CECR2: variants seen among roughly 807,000 people sequenced by gnomAD.
CECR2 encodes chromatin remodeling regulator CECR2.
Under a neutral mutation model 154.5 loss-of-function variants are expected in CECR2, and 30 were observed. The observed-to-expected ratio is 0.19, with a 90% CI of 0.15 to 0.26. The LOEUF (loss-of-function observed/expected upper bound fraction) is 0.26, where lower values mean the gene tolerates loss of function less well. CECR2 is among the 10% of genes least tolerant of loss of function. The pLI, the probability that CECR2 is intolerant of heterozygous loss-of-function variation, is 1.00. For synonymous variants in CECR2, 725 were observed against 683.7 expected, an observed-to-expected ratio of 1.06 and a Z score of -0.94; for missense variants, 1,743 against 1,829.3, an observed-to-expected ratio of 0.95 and a Z score of 0.86.
intron 9 of CECR2, among the ~76,000 whole-genome samples, chr22:17,530,948 C>T (rs1184602663): frequency 6.6e-6 from 1 of 152,136 alleles, no homozygotes; most frequent in Non-Finnish European, 1.5e-5. Context: ...ACGTTACAGA[C>T]TGGAGTGATG....
At chr22:17,511,713 A>C in intron 7 of CECR2, 100 bp from the exon 8 acceptor site, 1 of 979,546 alleles carries the variant, frequency 1.0e-6, no homozygotes, top group Non-Finnish European at 1.6e-6. Context: ...TGTGTGCCTC[A>C]TTGGCCACTT....
intron 1 of CECR2, among the ~76,000 whole-genome samples, chr22:17,370,258 G>T (rs2063039457): frequency 6.7e-6 from 1 of 150,062 alleles, no homozygotes; most frequent in Non-Finnish European, 1.5e-5. Context: ...CGCGAGGGCT[G>T]CGCGCGCTCG....
intron 6 of CECR2, among the ~76,000 whole-genome samples, chr22:17,504,198 C>G (rs1487742658): frequency 6.6e-6 from 1 of 151,660 alleles, no homozygotes; most frequent in Non-Finnish European, 1.5e-5. Context: ...ATGGCAAAAC[C>G]CTGTCTCTAC....
intron 1 of CECR2, among the ~76,000 whole-genome samples, chr22:17,436,364 C>T (rs144111206): frequency 6.6e-6 from 1 of 152,348 alleles, no homozygotes; most frequent in Non-Finnish European, 1.5e-5. Flanking sequence ...TACAACACAG[C>T]ACTTCTATTA....
rs534120823 is a variant in CECR2, at chr22:17,499,691, A to G, written c.545+142A>G. 1.6e-5 allele frequency: 13 copies of G among 821,914 alleles called. No individual in the cohort carries two copies. The South Asian group carries it at 2.3e-4, about 14-fold the overall frequency. 50.9% of individuals were successfully genotyped at this position (821,914 alleles called of 1,614,324 possible). On this transcript the variant is annotated intron_variant, in intron 4 of 18. Coordinates refer to ENST00000262608, the MANE Select transcript of CECR2 (RefSeq NM_001290047.2). ...GCCTGCAAAGAGATGGTAAGGAGAT[A>G]CTTCATGCAAAAACAAAAAGGAATT...
At chr22:17,514,098 G>A (rs997312248) in intron 8 of CECR2, among the ~76,000 whole-genome samples, 3 of 152,132 alleles carry the variant, frequency 2.0e-5, no homozygotes, top group Non-Finnish European at 4.4e-5. Context: ...GGCCTCTATT[G>A]GTCACTCAGC....
intron 7 of CECR2, among the ~76,000 whole-genome samples, chr22:17,510,554 G>A (rs922157988): frequency 2.0e-5 from 3 of 152,066 alleles, no homozygotes; most frequent in Admixed American, 6.6e-5. Context: ...TCATGACAGC[G>A]TTTGATAATT....
intron 1 of CECR2, among the ~76,000 whole-genome samples, chr22:17,434,013 A>G (rs1016530423): frequency 3.9e-4 from 60 of 152,210 alleles, no homozygotes; most frequent in African/African-American, 1.3e-3. Context: ...AACAGTTGCT[A>G]GAATATAACT....
chr22:17,456,285 A>T (rs537326971), intron 1 of CECR2, among the ~76,000 whole-genome samples: 25 of 152,170 alleles, frequency 1.6e-4, no homozygotes, highest in African/African-American at 6.0e-4. Context: ...TTTAAATCAC[A>T]CTTTTATTAT....
intron 7 of CECR2, 147 bp downstream of exon 7, chr22:17,505,163 G>A: frequency 1.3e-6 from 1 of 766,678 alleles, no homozygotes; most frequent in Non-Finnish European, 2.0e-6. Flanking sequence ...TGTTAGAATG[G>A]GACCTCATGC....
chr22:17,542,688 C>A lies in CECR2; in HGVS notation c.2545C>A (p.His849Asn). Residue 849 changes from histidine (H) to asparagine (N), a missense_variant, in exon 16 of 19, where the codon CAT becomes AAT. Around this residue, in one of 4 missense-constraint regions of CECR2, gnomAD observed 1,250 missense variants for 1,192.1 expected, o/e 1.05. Transcript: ENST00000262608. The part of the protein sequence containing the change: ...YMRPPCKSAG[H>N]RLQPPPVPAP... ...GCGACCGCCCTGCAAGTCTGCCGGACATCGGTTACAGCCACCTCCAGTGCC... is the reference window on the plus strand; with the variant it reads ...GCGACCGCCCTGCAAGTCTGCCGGAAATCGGTTACAGCCACCTCCAGTGCC... 3 of 1,614,048 alleles carry A rather than the reference C, an allele frequency of 1.9e-6. No individual in the cohort carries two copies. The highest frequency in any genetic ancestry group is 1.7e-6 in the Non-Finnish European group (2 of 1,179,908).
At chr22:17,364,891 T>TA (rs1209141061), upstream of CECR2, among the ~76,000 whole-genome samples, 2 of 151,306 alleles carry the variant, frequency 1.3e-5, no homozygotes, top group African/African-American at 4.9e-5. Context: ...AAGAGAGAAG[T>TA]AGCATGATTC....
At chr22:17,379,659 C>T (rs1205604695) in intron 1 of CECR2, among the ~76,000 whole-genome samples, 2 of 146,072 alleles carry the variant, frequency 1.4e-5, no homozygotes, top group African/African-American at 2.5e-5. Flanking sequence ...TTCATTATTC[C>T]GTCAGAATTT....
chr22:17,548,450 A>G lies in CECR2; in HGVS notation c.3163A>G (p.Asn1055Asp), dbSNP rs776623814. ...TVADRGALSE[N>D]GVIGEASPCG... ...GGCAGACAGGGGCGCTCTATCCGAG[A>G]ACGGAGTCATTGGGGAAGCATCTCC... Residue 1055 changes from asparagine (N) to aspartate (D), a missense_variant, in exon 17 of 19, where the codon AAC becomes GAC. Transcript: ENST00000262608. The G allele has an allele frequency of 1.9e-6, 3 of 1,613,888 alleles. No individual in the cohort carries two copies. The African/African-American group carries it at 4.0e-5, about 22-fold the overall frequency.
At chr22:17,464,963 G>T (rs1188384369) in intron 1 of CECR2, among the ~76,000 whole-genome samples, 3 of 151,272 alleles carry the variant, frequency 2.0e-5, no homozygotes, top group African/African-American at 7.3e-5. Context: ...ATAGGTAGGT[G>T]CACATTCATG....
chr22:17,466,978 A>G (rs967029467), intron 1 of CECR2, among the ~76,000 whole-genome samples: 10 of 152,148 alleles, frequency 6.6e-5, no homozygotes, highest in South Asian at 2.1e-4. Context: ...CTGCAGTAAC[A>G]AGCAGTCCTA....
intron 8 of CECR2, among the ~76,000 whole-genome samples, chr22:17,522,799 G>A (rs2056180400): frequency 1.3e-5 from 2 of 152,036 alleles, no homozygotes; most frequent in Admixed American, 6.6e-5. Context: ...GAGGTCAGGA[G>A]TTCTAGTCCA....
intron 1 of CECR2, among the ~76,000 whole-genome samples, chr22:17,382,045 G>T (rs1441105909): frequency 8.1e-6 from 1 of 123,926 alleles, no homozygotes; most frequent in Non-Finnish European, 1.7e-5. Context: ...CTGCCACCAC[G>T]CCCTGCTAAT....
intron 7 of CECR2, among the ~76,000 whole-genome samples, chr22:17,509,271 A>G (rs2055899038): frequency 6.6e-6 from 1 of 152,110 alleles, no homozygotes; most frequent in Admixed American, 6.6e-5. Context: ...GCAGTGTGTA[A>G]TGGAGGCACA....
Sources: gnomAD v4.1 joint callset for allele counts (sites outside exome capture counted in the v4.1 genomes callset) on GRCh38, gnomAD v4.1.1 for gene constraint, gnomAD v4.1.1 regional missense constraint, MANE v1.5 for transcripts, NCBI Gene and HGNC (gene_info 2026-07-23, HGNC 2026-07-21) for gene names.